Variants in STX8 observed in about 807,000 individuals in gnomAD.
STX8 encodes the protein syntaxin-8.
Under a neutral mutation model 37.5 loss-of-function variants are expected in STX8, and 23 were observed. That is an observed-to-expected ratio of 0.61 (90% CI 0.44 to 0.87). STX8 has a LOEUF of 0.87. Ranked by LOEUF, STX8 falls within the 40% of genes least tolerant of loss-of-function variation. STX8 has a pLI of 0.00. For synonymous variants in STX8, 115 were observed against 99.1 expected (o/e 1.16, Z -0.95); for missense variants, 313 against 284.7 (o/e 1.10, Z -0.71).
chr17:9,532,851 T>C (rs183928702), intron 4 of STX8, among the ~76,000 whole-genome samples: 79 of 152,320 alleles, frequency 5.2e-4, no homozygotes, highest in African/African-American at 1.7e-3. Context: ...TTAAGCGTAT[T>C]ACCCTAAACA....
chr17:9,468,535 C>T (rs1299824452), intron 6 of STX8, among the ~76,000 whole-genome samples: 1 of 152,202 alleles, frequency 6.6e-6, no homozygotes, highest in Non-Finnish European at 1.5e-5. Flanking sequence ...TTTAATACTC[C>T]ATACCTAACA....
chr17:9,470,605 A>T (rs1905806137), intron 6 of STX8, among the ~76,000 whole-genome samples: 4 of 152,240 alleles, frequency 2.6e-5, no homozygotes, highest in Admixed American at 2.6e-4. Flanking sequence ...TACTTTTCTC[A>T]GGAATTAAGC....
At chr17:9,267,901 GA>G (rs1907286522) in intron 7 of STX8, among the ~76,000 whole-genome samples, 1 of 150,708 alleles carries the variant, frequency 6.6e-6, no homozygotes, top group Non-Finnish European at 1.5e-5. Flanking sequence ...TGAGGCAGGA[GA>G]ATCACTTGAA....
chr17:9,444,639 G>A (rs1315008220), intron 6 of STX8, among the ~76,000 whole-genome samples: 1 of 152,176 alleles, frequency 6.6e-6, no homozygotes, highest in Non-Finnish European at 1.5e-5. Context: ...GTGCATCCAT[G>A]AGCACATCAT....
intron 4 of STX8, among the ~76,000 whole-genome samples, chr17:9,541,961 G>A (rs992001407): frequency 2.6e-5 from 4 of 151,380 alleles, no homozygotes; most frequent in African/African-American, 4.9e-5. Context: ...CCTCACCCAA[G>A]ACTATGAATC....
intron 6 of STX8, 128 bp from the exon 7 acceptor site, chr17:9,378,781 T>C (rs1741033775): frequency 3.0e-6 from 2 of 672,904 alleles, no homozygotes; most frequent in Non-Finnish European, 5.2e-6. Flanking sequence ...ACAGAACTCA[T>C]GTCGATTCTT....
intron 6 of STX8, among the ~76,000 whole-genome samples, chr17:9,425,435 G>C (rs1913592205): frequency 6.6e-6 from 1 of 152,092 alleles, no homozygotes; most frequent in Non-Finnish European, 1.5e-5. Flanking sequence ...TAAATGACAT[G>C]ATTCTTTTGA....
At chr17:9,272,460 G>C (rs1907499495) in intron 7 of STX8, among the ~76,000 whole-genome samples, 1 of 152,166 alleles carries the variant, frequency 6.6e-6, no homozygotes, top group South Asian at 2.1e-4. Flanking sequence ...CCCAACCTTG[G>C]ATAACATTTA....
intron 7 of STX8, among the ~76,000 whole-genome samples, chr17:9,261,168 C>T (rs985912161): frequency 6.6e-6 from 1 of 152,126 alleles, no homozygotes; most frequent in South Asian, 2.1e-4. Context: ...CCTGGCTGGG[C>T]GTCAGGTGGC....
intron 7 of STX8, among the ~76,000 whole-genome samples, chr17:9,301,192 T>C (rs1000959140): frequency 3.3e-5 from 5 of 152,160 alleles, no homozygotes; most frequent in Admixed American, 1.3e-4. Context: ...TGATTAGTAA[T>C]GTTTAGTTTG....
At chr17:9,382,936 C>T (rs1911870848) in intron 6 of STX8, among the ~76,000 whole-genome samples, 1 of 152,158 alleles carries the variant, frequency 6.6e-6, no homozygotes. Context: ...AGTGTGATGA[C>T]ATTTGGATGT....
At chr17:9,346,243 T>C (rs1040134368) in intron 7 of STX8, among the ~76,000 whole-genome samples, 4 of 152,130 alleles carry the variant, frequency 2.6e-5, no homozygotes, top group African/African-American at 9.7e-5. Flanking sequence ...ACAGGAGATA[T>C]CTGTTGCTTT....
Position 9,443,865 on chromosome 17 carries a change from C to T in STX8, c.541+47964G>A, listed in dbSNP as rs183890099. 1.1e-3 allele frequency among the ~76,000 whole-genome samples: 168 copies of T among 152,284 alleles called. 1 individual carries two copies. Among genetic ancestry groups the T allele is most frequent in the Middle Eastern group, 0.01 (3 of 294 alleles). ...TGGGCTGACATGATCACAGGCAAGG[C>T]GGACCATCAGCTCTTATTACCAAAT... On this transcript the variant is annotated intron_variant, in intron 6 of 7. Coordinates refer to ENST00000306357, the MANE Select transcript of STX8 (RefSeq NM_004853.3).
chr17:9,428,562 T>C (rs760290008), intron 6 of STX8, among the ~76,000 whole-genome samples: 2 of 152,202 alleles, frequency 1.3e-5, no homozygotes, highest in African/African-American at 2.4e-5. Flanking sequence ...TTAATCTCTC[T>C]TGAGGTGTGT....
At chr17:9,514,865 T>G (rs879929893) in intron 4 of STX8, among the ~76,000 whole-genome samples, 2 of 152,126 alleles carry the variant, frequency 1.3e-5, no homozygotes, top group African/African-American at 2.4e-5. Context: ...AGGCAGAAAC[T>G]GAAAATCACC....
intron 4 of STX8, among the ~76,000 whole-genome samples, chr17:9,520,697 G>A (rs1905309728): frequency 6.6e-6 from 1 of 152,154 alleles, no homozygotes. Flanking sequence ...TCGGGGGGGT[G>A]CACAGACAAT....
At chr17:9,420,072 A>C (rs1913367230) in intron 6 of STX8, among the ~76,000 whole-genome samples, 1 of 152,214 alleles carries the variant, frequency 6.6e-6, no homozygotes, top group African/African-American at 2.4e-5. Context: ...TGAATTAGTC[A>C]CACATCTCAC....
chr17:9,561,598 T>C (rs540310948), intron 2 of STX8, among the ~76,000 whole-genome samples: 1 of 138,342 alleles, frequency 7.2e-6, no homozygotes, highest in Non-Finnish European at 1.5e-5. Flanking sequence ...GGCTCGGAGG[T>C]TGCAGTGAGC....
intron 7 of STX8, chr17:9,378,260 T>G: frequency 1.3e-5 from 4 of 313,992 alleles, no homozygotes; most frequent in Non-Finnish European, 2.4e-5. Flanking sequence ...CGCCAACCAG[T>G]ATAATGTTAT....
Sources: allele counts gnomAD v4.1 joint callset (sites outside exome capture counted in the v4.1 genomes callset), GRCh38; gene constraint gnomAD v4.1.1; transcripts MANE v1.5; gene names NCBI Gene and HGNC (gene_info 2026-07-23, HGNC 2026-07-21).